Variants in TRIM54 observed in about 807,000 individuals in gnomAD.
TRIM54 encodes tripartite motif-containing protein 54.
A neutral mutation model predicts 42.0 loss-of-function variants in TRIM54; 40 were observed. The observed-to-expected ratio is 0.95, with a 90% confidence interval of 0.74 to 1.24. The LOEUF (loss-of-function observed/expected upper bound fraction) is 1.24. Among genes scored for constraint, TRIM54 ranks in the 50% most tolerant of loss-of-function variants. The pLI, the probability that TRIM54 is intolerant of heterozygous loss-of-function variation, is 0.00. For missense variants in TRIM54, 485 were observed against 480.3 expected, an observed-to-expected ratio of 1.01 and a Z score of -0.09; for synonymous variants, 199 against 194.9, an observed-to-expected ratio of 1.02 and a Z score of -0.17.
intron 3 of TRIM54, chr2:27,299,641 A>G (rs1678972057): frequency 3.5e-6 from 3 of 865,826 alleles, no homozygotes; most frequent in East Asian, 2.6e-5. Context: ...CTCGCAGAAC[A>G]CTAAGATTAT....
rs867185870 is a variant in TRIM54 at position 27,282,613 on chromosome 2, G to C, written c.-119G>C. 1 of 1,107,704 alleles carries C rather than the reference G, an allele frequency of 9.0e-7. No homozygotes were observed. Among genetic ancestry groups the C allele is most frequent in the Non-Finnish European group, 1.3e-6 (1 of 784,684 alleles). 68.6% of individuals were successfully genotyped at this position (1,107,704 alleles called of 1,614,324 possible). A position where few individuals can be genotyped will look rare whatever the true frequency, so the allele number is the denominator to read the frequency against. On this transcript the variant is annotated 5_prime_UTR_variant, in exon 1 of 9. Coordinates refer to ENST00000380075, the MANE Select transcript of TRIM54 (RefSeq NM_187841.3). The stretch of plus-strand genomic sequence containing the variant: ...TGTTAAAGGGACAGGAGAGAAAGCA[G>C]AGCTATTTCAAGAGTGAGCCACAGA...
intron 1 of TRIM54, among the ~76,000 whole-genome samples, chr2:27,283,780 G>A (rs767321355): frequency 0.16 from 11,818 of 75,952 alleles, 725 homozygotes; most frequent in South Asian, 0.27. Context: ...ACACACACAC[G>A]CGCGCACACA....
intron 1 of TRIM54, among the ~76,000 whole-genome samples, chr2:27,293,907 C>T (rs921852096): frequency 6.6e-6 from 1 of 151,948 alleles, no homozygotes; most frequent in Non-Finnish European, 1.5e-5. Flanking sequence ...CCTGTACTCC[C>T]AGCTACTCAG....
At chr2:27,287,964 T>G (rs1678623319) in intron 1 of TRIM54, among the ~76,000 whole-genome samples, 1 of 152,214 alleles carries the variant, frequency 6.6e-6, no homozygotes, top group Admixed American at 6.5e-5. Context: ...CTCTTCTGCT[T>G]ATCACTCCTC....
At chr2:27,300,729 A>G (rs961812753) in intron 3 of TRIM54, among the ~76,000 whole-genome samples, 15 of 152,092 alleles carry the variant, frequency 9.9e-5, no homozygotes, top group African/African-American at 3.4e-4. Flanking sequence ...TTAGCTGGGC[A>G]TGGTGGCATG....
chr2:27,303,439 A>G (rs779359778), intron 3 of TRIM54, among the ~76,000 whole-genome samples: 1 of 151,962 alleles, frequency 6.6e-6, no homozygotes, highest in Non-Finnish European at 1.5e-5. Context: ...AATCCCAGCT[A>G]CTCGGGAAGC....
chr2:27,283,005 G>C, intron 1 of TRIM54, 106 bp downstream of exon 1: 2 of 1,286,130 alleles, frequency 1.6e-6, no homozygotes, highest in African/African-American at 3.0e-5. Flanking sequence ...AGTGCTCTCT[G>C]AGGTGGGTGG....
chr2:27,306,706 C>T lies in TRIM54; in HGVS notation c.*1+164C>T, dbSNP rs1679228108. ...CCAACCCCGGAGCCACAAAGGCGCG[C>T]CCCCTAGGGCGGAAAAGTACACTTT... On this transcript the variant is annotated intron_variant, in intron 8 of 8. Transcript: ENST00000380075. The surrounding 1 kb of genome is among the most constrained non-coding windows in gnomAD (Gnocchi z 6.1). 6.6e-6 allele frequency among the ~76,000 whole-genome samples: 1 copy of T among 152,188 alleles called. No homozygotes were observed. Among genetic ancestry groups the T allele is most frequent in the Non-Finnish European group, 1.5e-5 (1 of 68,010 alleles).
At chr2:27,300,639 G>A (rs987122979) in intron 3 of TRIM54, among the ~76,000 whole-genome samples, 8 of 100,526 alleles carry the variant, frequency 8.0e-5, no homozygotes, top group African/African-American at 3.4e-4. Context: ...GAAGAGCGAG[G>A]CAGGGGGATT....
At chr2:27,283,681 C>CT (rs201555855) in intron 1 of TRIM54, among the ~76,000 whole-genome samples, 1,720 of 139,518 alleles carry the variant, frequency 0.012, 35 homozygotes, top group African/African-American at 0.04. Context: ...TATAAGTGGG[C>CT]TTTTTTTTTT....
chr2:27,299,051 G>A (rs1026014649), intron 2 of TRIM54, among the ~76,000 whole-genome samples, 194 bp from the exon 3 acceptor site: 2 of 152,104 alleles, frequency 1.3e-5, no homozygotes, highest in African/African-American at 4.8e-5. Flanking sequence ...GACTGTTCTC[G>A]GATCCAGGCC....
chr2:27,283,403 G>A (rs1321843487), intron 1 of TRIM54, among the ~76,000 whole-genome samples: 1 of 152,160 alleles, frequency 6.6e-6, no homozygotes, highest in African/African-American at 2.4e-5. Context: ...GTGGGTGACA[G>A]AGTTAGACAT....
In TRIM54 at chr2:27,306,629, C is replaced by A; in HGVS notation, c.*1+87C>A. The A allele has an allele frequency of 3.8e-6, 5 of 1,299,830 alleles. No homozygotes were observed. Among genetic ancestry groups the A allele is most frequent in the Non-Finnish European group, 5.2e-6 (5 of 960,934 alleles). The allele number at this position is 1,299,830 out of a possible 1,614,324, so 80.5% of individuals were successfully genotyped here. ...GCTGGTGTGCTCGCGTCCCCTCCCC[C>A]AGTGATTGCCCTCCCTGCGGGTAGC... is the stretch of plus-strand genomic sequence containing the variant. On this transcript the variant is annotated intron_variant, in intron 8 of 8. Coordinates refer to ENST00000380075, the MANE Select transcript of TRIM54 (RefSeq NM_187841.3). The surrounding 1 kb of genome is among the most constrained non-coding windows in gnomAD (Gnocchi z 6.1).
rs1208004942 is a variant in TRIM54 at position 27,306,271 on chromosome 2, A to G, written c.925A>G (p.Met309Val). Residue 309 changes from methionine to valine, a missense_variant, in exon 7 of 9, where the codon ATG becomes GTG. Met to Val is a conservative substitution (Grantham distance 21, BLOSUM62 1). Coordinates refer to ENST00000380075, the MANE Select transcript of TRIM54 (RefSeq NM_187841.3). This position sits in a 1 kb window ranked among gnomAD's most constrained non-coding sequence, Gnocchi z 6.1. ...GCGGCCGGAGCCAGGCTATGAGAGC[A>G]TGGAGCAATTCACCGTAAGGGTGGA... is the stretch of plus-strand genomic sequence containing the variant. ...AGRPEPGYES[M>V]EQFTVRVEHV... The G allele has an allele frequency of 1.2e-6, 2 of 1,614,154 alleles. No homozygotes were observed. Among genetic ancestry groups the G allele is most frequent in the East Asian group, 2.2e-5 (1 of 44,876 alleles).
Position 27,305,634 on chromosome 2 carries a change from G to T in TRIM54, c.660G>T (p.Leu220=), listed in dbSNP as rs374066327. 3.7e-5 allele frequency: 59 copies of T among 1,613,702 alleles called. No individual in the cohort carries two copies. Among genetic ancestry groups the T allele is most frequent in the African/African-American group, 1.1e-4 (8 of 74,942 alleles). ...KQLLNQRFES[L]CAVLEERKGE... ...TGTTAAACCAGAGGTTTGAGAGCCT[G>T]TGCGCAGTGCTGGAGGAGCGCAAGG... is the stretch of plus-strand genomic sequence containing the variant. The change falls in exon 5 of 9, where the codon CTG becomes CTT. Residue 220 remains leucine, a synonymous_variant. Coordinates refer to ENST00000380075, the MANE Select transcript of TRIM54 (RefSeq NM_187841.3).
In TRIM54 at chr2:27,299,294, G is replaced by T. The variant is rs377107158; in HGVS notation, c.391G>T (p.Glu131Ter). 1.2e-6 allele frequency: 2 copies of T among 1,614,056 alleles called. No homozygotes were observed. The highest frequency in any genetic ancestry group is 1.7e-6 in the Non-Finnish European group (2 of 1,180,054). Residue 131 changes from glutamate (E) to a stop codon, truncating the protein, a stop_gained, in exon 3 of 9, where the codon GAA becomes TAA. Coordinates refer to ENST00000380075, the MANE Select transcript of TRIM54 (RefSeq NM_187841.3). LOFTEE classifies it high-confidence loss of function. ...GCACCTCATGTGCGAGGAGCATGAA[G>T]AAGAGAAGATCAATATTTACTGCCT... ...EQHLMCEEHE[E>*]EKINIYCLSC... is the part of the protein sequence containing the mutation.
intron 1 of TRIM54, among the ~76,000 whole-genome samples, chr2:27,283,647 A>G (rs1199162845): frequency 3.3e-5 from 5 of 152,058 alleles, no homozygotes; most frequent in Non-Finnish European, 7.4e-5. Context: ...TTTAGAAATA[A>G]AAGCAGCATA....
intron 1 of TRIM54, among the ~76,000 whole-genome samples, chr2:27,285,515 C>T (rs1416405651): frequency 1.3e-5 from 2 of 152,150 alleles, no homozygotes; most frequent in Non-Finnish European, 2.9e-5. Flanking sequence ...TCATGAAAAG[C>T]AAATCTGCTA....
intron 1 of TRIM54, among the ~76,000 whole-genome samples, chr2:27,289,580 G>A (rs551935205): frequency 2.7e-4 from 41 of 152,296 alleles, no homozygotes; most frequent in South Asian, 2.3e-3. Context: ...GCCTCCCAGA[G>A]TGCTGGGATT....
Sources: allele counts gnomAD v4.1 joint callset (sites outside exome capture counted in the v4.1 genomes callset), GRCh38; gene constraint gnomAD v4.1.1; non-coding constraint Gnocchi (gnomAD v3.1); transcripts MANE v1.5; gene names NCBI Gene and HGNC (gene_info 2026-07-23, HGNC 2026-07-21).